Variants in COL21A1 observed in about 807,000 individuals in gnomAD.
The protein encoded by COL21A1 is collagen type XXI alpha 1 chain, also known as collagen alpha-1(XXI) chain.
In COL21A1, 149 loss-of-function variants were observed where a neutral mutation model predicts 137.9. The ratio of observed to expected loss-of-function variants is 1.08; its 90% CI spans 0.95 to 1.24. The LOEUF (loss-of-function observed/expected upper bound fraction) is 1.24, where lower values mean the gene tolerates loss of function less well. Ranked by LOEUF, COL21A1 falls within the 50% of genes most tolerant of loss-of-function variation. The probability of loss-of-function intolerance (pLI) is 0.00; values close to 1 mark genes in which losing one functional copy is unlikely to be tolerated. For missense variants in COL21A1, 1,167 were observed against 1,158.4 expected, an observed-to-expected ratio of 1.01 and a Z score of -0.11; for synonymous variants, 456 against 391.5, an observed-to-expected ratio of 1.16 and a Z score of -1.95.
intron 1 of COL21A1, among the ~76,000 whole-genome samples, chr6:56,202,717 A>G (rs1245929459): frequency 6.6e-6 from 1 of 152,196 alleles, no homozygotes; most frequent in Admixed American, 6.5e-5. Context: ...GTTGTACACT[A>G]TATTACATAA....
intron 1 of COL21A1, among the ~76,000 whole-genome samples, chr6:56,337,108 C>G (rs936711629): frequency 1.3e-5 from 2 of 152,190 alleles, no homozygotes; most frequent in African/African-American, 4.8e-5. Context: ...TCTACGAACT[C>G]ACTTTTCCTG....
At chr6:56,298,396 C>A (rs1473176775) in intron 1 of COL21A1, among the ~76,000 whole-genome samples, 1 of 151,954 alleles carries the variant, frequency 6.6e-6, no homozygotes, top group Non-Finnish European at 1.5e-5. Flanking sequence ...ACTTGGGGTG[C>A]CTTTCACTGA....
intron 1 of COL21A1, among the ~76,000 whole-genome samples, chr6:56,206,481 A>G (rs1427628048): frequency 2.0e-5 from 3 of 151,946 alleles, no homozygotes; most frequent in Non-Finnish European, 4.4e-5. Flanking sequence ...GAGCACCCAG[A>G]TTCATAAAGC....
chr6:56,061,114 G>A, intron 25 of COL21A1, 77 bp from the exon 26 acceptor site: 1 of 1,263,198 alleles, frequency 7.9e-7, no homozygotes, highest in Non-Finnish European at 1.1e-6. Context: ...GCTCGTTAAG[G>A]ATGTGAATAT....
chr6:56,264,305 C>G (rs1027056935), intron 1 of COL21A1, among the ~76,000 whole-genome samples: 1 of 152,150 alleles, frequency 6.6e-6, no homozygotes, highest in Non-Finnish European at 1.5e-5. Flanking sequence ...AATAGAATAA[C>G]CACAGATCAT....
At chr6:56,123,588 A>C (rs934643065) in intron 16 of COL21A1, among the ~76,000 whole-genome samples, 1 of 152,164 alleles carries the variant, frequency 6.6e-6, no homozygotes, top group Admixed American at 6.5e-5. Flanking sequence ...TAAGAATATG[A>C]TGGTGCTAAT....
intron 1 of COL21A1, among the ~76,000 whole-genome samples, chr6:56,315,665 C>T (rs554144973): frequency 2.8e-4 from 42 of 151,858 alleles, no homozygotes; most frequent in Non-Finnish European, 5.3e-4. Context: ...TTCCTTCCTC[C>T]TCTCCCTCTT....
intron 18 of COL21A1, among the ~76,000 whole-genome samples, chr6:56,076,865 G>A (rs1387330353): frequency 6.6e-6 from 1 of 151,398 alleles, no homozygotes; most frequent in Admixed American, 6.6e-5. Flanking sequence ...ATTCCACAGA[G>A]CAAAGAAGCA....
chr6:56,112,686 TC>T (rs201204539), intron 16 of COL21A1, among the ~76,000 whole-genome samples: 16,651 of 137,816 alleles, frequency 0.12, 1,618 homozygotes, highest in Middle Eastern at 0.19. Context: ...TTTTCTTTTT[TC>T]TTTTTTTTTT....
intron 17 of COL21A1, among the ~76,000 whole-genome samples, chr6:56,088,950 A>G (rs749893827): frequency 3.1e-4 from 47 of 151,934 alleles, no homozygotes; most frequent in Non-Finnish European, 6.2e-4. Flanking sequence ...ACATCTGGCT[A>G]ATTTTTTGTA....
chr6:56,385,006 G>A (rs2094015175), intron 1 of COL21A1, among the ~76,000 whole-genome samples: 1 of 152,160 alleles, frequency 6.6e-6, no homozygotes, highest in African/African-American at 2.4e-5. Context: ...AACATGACCT[G>A]GAGAGGAGCA....
chr6:56,125,827 G>T (rs1388927636), intron 13 of COL21A1, among the ~76,000 whole-genome samples: 6 of 151,752 alleles, frequency 4.0e-5, no homozygotes, highest in African/African-American at 1.5e-4. Context: ...GCTATAACAA[G>T]GCTTATAGTT....
At chr6:56,253,800 T>A (rs889647296) in intron 1 of COL21A1, among the ~76,000 whole-genome samples, 3 of 152,214 alleles carry the variant, frequency 2.0e-5, no homozygotes, top group Non-Finnish European at 4.4e-5. Flanking sequence ...TAAATATAAA[T>A]GCTTAAAAGA....
intron 1 of COL21A1, among the ~76,000 whole-genome samples, chr6:56,275,178 T>C (rs1007663863): frequency 1.1e-4 from 16 of 152,332 alleles, no homozygotes; most frequent in Admixed American, 9.8e-4. Context: ...AGACTGAAAC[T>C]GGACCCCTGC....
At chr6:56,264,045 A>G (rs1395553745) in intron 1 of COL21A1, among the ~76,000 whole-genome samples, 1 of 152,140 alleles carries the variant, frequency 6.6e-6, no homozygotes, top group Non-Finnish European at 1.5e-5. Flanking sequence ...TTATAGGACA[A>G]TTCCTCTGTT....
intron 1 of COL21A1, among the ~76,000 whole-genome samples, chr6:56,192,380 A>C (rs1477002514): frequency 6.6e-6 from 1 of 152,102 alleles, no homozygotes; most frequent in African/African-American, 2.4e-5. Flanking sequence ...AGCTTCTGCA[A>C]AGAAAAAGAA....
intron 1 of COL21A1, among the ~76,000 whole-genome samples, chr6:56,277,336 T>A (rs1231383619): frequency 6.6e-6 from 1 of 152,162 alleles, no homozygotes; most frequent in Non-Finnish European, 1.5e-5. Context: ...GATGTTCCCC[T>A]TCCTGTGTCC....
chr6:56,148,426 G>A (rs996750812), intron 10 of COL21A1, among the ~76,000 whole-genome samples: 1 of 151,572 alleles, frequency 6.6e-6, no homozygotes, highest in Non-Finnish European at 1.5e-5. Flanking sequence ...TGAGGTGAGA[G>A]TTCAGGTAGA....
At chr6:56,102,407 T>A (rs1025904055) in intron 16 of COL21A1, among the ~76,000 whole-genome samples, 1 of 152,130 alleles carries the variant, frequency 6.6e-6, no homozygotes. Flanking sequence ...AAATGCTGCA[T>A]CACAACAAGC....
Sources: allele counts gnomAD v4.1 joint callset (sites outside exome capture counted in the v4.1 genomes callset), GRCh38; gene constraint gnomAD v4.1.1; transcripts MANE v1.5; gene names NCBI Gene and HGNC (gene_info 2026-07-23, HGNC 2026-07-21).